The following ARRB1 variants were observed in gnomAD, a reference collection of about 807,000 sequenced individuals.
ARRB1 encodes arrestin beta 1, also known as beta-arrestin-1.
ARRB1 carries 21 observed loss-of-function variants against 56.8 expected under a neutral mutation model. That is an observed-to-expected ratio of 0.37 (90% CI 0.26 to 0.53). The LOEUF is 0.53. Among genes scored for constraint, ARRB1 ranks in the 20% least tolerant of loss-of-function variants. ARRB1 has a pLI of 0.88. For missense variants in ARRB1, 424 were observed against 553.7 expected (o/e 0.77, Z 2.35); for synonymous variants, 210 against 218.6 (o/e 0.96, Z 0.35).
chr11:75,314,563 A>G (rs1350607678), intron 1 of ARRB1, among the ~76,000 whole-genome samples: 1 of 152,076 alleles, frequency 6.6e-6, no homozygotes, highest in East Asian at 1.9e-4. Flanking sequence ...TCTGCCACTC[A>G]CTAGCTGGGT....
chr11:75,350,503 T>G (rs1213571695), intron 1 of ARRB1, among the ~76,000 whole-genome samples: 1 of 151,974 alleles, frequency 6.6e-6, no homozygotes, highest in Non-Finnish European at 1.5e-5. Flanking sequence ...GAAAATAGGG[T>G]GGCAACGCTG....
At position 75,313,993 on chromosome 11, in the gene ARRB1, C is replaced by T. The variant is rs1947218711; in HGVS notation, c.21-23954G>A. Among the ~76,000 whole-genome samples, 6 of 152,224 alleles carry T rather than the reference C, an allele frequency of 3.9e-5. No homozygotes were observed. The South Asian group carries it at 1.2e-3, about 31-fold the overall frequency. ...CTCTGCCTAAAAACTCTTAACCGCT[C>T]CCAAGAGCTCTTCACAATCTGGCCT... On this transcript the variant is annotated intron_variant, in intron 1 of 15. Transcript: ENST00000420843.
intron 14 of ARRB1, 58 bp downstream of exon 14, chr11:75,268,831 G>A (rs1477185499): frequency 1.3e-6 from 2 of 1,577,394 alleles, no homozygotes; most frequent in East Asian, 2.3e-5. Flanking sequence ...GTGGGTTACA[G>A]GGTCACGTGG....
chr11:75,264,457 C>G lies in ARRB1; in HGVS notation c.*1706G>C, dbSNP rs1226870719. 6.6e-6 allele frequency: 1 copy of G among 152,270 alleles called. No homozygotes were observed. The highest frequency in any genetic ancestry group is 1.5e-5 in the Non-Finnish European group (1 of 68,092). 9.4% of individuals were successfully genotyped at this position (152,270 alleles called of 1,614,324 possible). ...AGGGGGCTGTGAGGTACTGCAAGCC[C>G]TATCATAAGCCCCTCAGCCAAGCCT... On this transcript the variant is annotated 3_prime_UTR_variant, in exon 16 of 16. Transcript: ENST00000420843.
At chr11:75,348,836 C>T (rs918562671) in intron 1 of ARRB1, among the ~76,000 whole-genome samples, 1 of 152,222 alleles carries the variant, frequency 6.6e-6, no homozygotes, top group African/African-American at 2.4e-5. Context: ...GCAATCTGCC[C>T]ATCTCAGCCT....
chr11:75,274,005 A>G (rs1946135635), intron 11 of ARRB1, 69 bp downstream of exon 11: 2 of 1,603,192 alleles, frequency 1.2e-6, no homozygotes. Flanking sequence ...AACTGGGGGG[A>G]CCAAGGAGGG....
chr11:75,268,776 G>A (rs1946001922), intron 14 of ARRB1, 113 bp downstream of exon 14: 3 of 1,139,318 alleles, frequency 2.6e-6, no homozygotes, highest in Admixed American at 2.5e-5. Context: ...AAGATCTGGG[G>A]ACCCGAGAAA....
rs1457168433 is a variant in ARRB1, at chr11:75,288,612, CTTTCTT to C, written c.52-1243_52-1238del. On this transcript the variant is annotated intron_variant, in intron 2 of 15. Coordinates refer to ENST00000420843, the MANE Select transcript of ARRB1 (RefSeq NM_004041.5). ...AGACTAGTCACCCTAAAATGCAAATCTTTCTTTTTTTTTTTTTTTTTGAGATGGAGT... is the reference window on the plus strand; with the variant it reads ...AGACTAGTCACCCTAAAATGCAAATCTTTTTTTTTTTTTTTGAGATGGAGT... Among the ~76,000 whole-genome samples, 54 of 126,514 alleles carry C rather than the reference CTTTCTT, an allele frequency of 4.3e-4. 1 individual carries two copies. In the South Asian group the frequency reaches 0.014, roughly 33 times the overall value. The allele number at this position is 126,514 out of a possible 152,430, so 83.0% of individuals were successfully genotyped here.
chr11:75,278,519 G>A (rs1044589122), intron 8 of ARRB1, 90 bp downstream of exon 8: 3 of 1,556,822 alleles, frequency 1.9e-6, no homozygotes, highest in African/African-American at 2.7e-5. Flanking sequence ...TCCTACCTGA[G>A]GCATCCTTGC....
At chr11:75,277,523 C>T (rs1168448493) in intron 8 of ARRB1, 75 bp from the exon 9 acceptor site, 6 of 1,343,392 alleles carry the variant, frequency 4.5e-6, no homozygotes, top group Non-Finnish European at 6.4e-6. Context: ...GAGAAAAGCC[C>T]CCACGCGATC....
intron 1 of ARRB1, among the ~76,000 whole-genome samples, chr11:75,349,841 C>A (rs954881819): frequency 6.6e-6 from 1 of 152,244 alleles, no homozygotes; most frequent in African/African-American, 2.4e-5. Flanking sequence ...CCGTCCCCCC[C>A]AAAGCCTGGG....
At chr11:75,301,576 TC>T (rs575231713) in intron 1 of ARRB1, among the ~76,000 whole-genome samples, 7 of 152,156 alleles carry the variant, frequency 4.6e-5, no homozygotes, top group Non-Finnish European at 8.8e-5. Flanking sequence ...CCCATCCCTG[TC>T]CAATAGCAGC....
chr11:75,301,800 G>A (rs952837946), intron 1 of ARRB1, among the ~76,000 whole-genome samples: 1 of 152,110 alleles, frequency 6.6e-6, no homozygotes, highest in Non-Finnish European at 1.5e-5. Flanking sequence ...CGTCTGCTCT[G>A]CCAGAATTTC....
intron 1 of ARRB1, chr11:75,303,462 C>A (rs1203799735): frequency 2.4e-6 from 1 of 410,172 alleles, no homozygotes; most frequent in East Asian, 7.1e-5. Context: ...TCCTTGACTG[C>A]CTTGGCTTAA....
chr11:75,276,718 G>A, intron 10 of ARRB1, 121 bp downstream of exon 10: 1 of 896,690 alleles, frequency 1.1e-6, no homozygotes, highest in Non-Finnish European at 1.7e-6. Context: ...TGGCAAGGAA[G>A]TCTGAGGCCC....
intron 4 of ARRB1, among the ~76,000 whole-genome samples, chr11:75,283,955 G>A (rs1369625044): frequency 1.3e-5 from 2 of 152,076 alleles, no homozygotes; most frequent in African/African-American, 4.8e-5. Context: ...TCAATGTTCT[G>A]TTCTGTTAAA....
intron 1 of ARRB1, among the ~76,000 whole-genome samples, chr11:75,340,219 C>G (rs1324692377): frequency 6.6e-6 from 1 of 152,248 alleles, no homozygotes; most frequent in East Asian, 1.9e-4. Context: ...CAGGACGAGG[C>G]CTGTTTCCTC....
At chr11:75,273,798 C>G (rs1370087089) in intron 11 of ARRB1, among the ~76,000 whole-genome samples, 2 of 152,208 alleles carry the variant, frequency 1.3e-5, no homozygotes, top group Non-Finnish European at 2.9e-5. Flanking sequence ...TTGCAGGAAG[C>G]CTTCCCAGGT....
chr11:75,343,684 G>A (rs1443723457), intron 1 of ARRB1, among the ~76,000 whole-genome samples: 1 of 152,188 alleles, frequency 6.6e-6, no homozygotes, highest in Non-Finnish European at 1.5e-5. Context: ...GTTCTTCCAA[G>A]AGCCTAACCG....
Sources: gnomAD v4.1 joint callset for allele counts (sites outside exome capture counted in the v4.1 genomes callset) on GRCh38, gnomAD v4.1.1 for gene constraint, MANE v1.5 for transcripts, NCBI Gene and HGNC (gene_info 2026-07-23, HGNC 2026-07-21) for gene names.